The following MS4A3 variants were observed in gnomAD, a reference collection of about 807,000 sequenced individuals.
MS4A3 encodes membrane spanning 4-domains A3.
In MS4A3, 18 loss-of-function variants were observed where a neutral mutation model predicts 24.7. The ratio of observed to expected loss-of-function variants is 0.73; its 90% CI spans 0.50 to 1.08. The LOEUF is 1.08. Ranked by LOEUF, MS4A3 falls within the 50% of genes least tolerant of loss-of-function variation. The probability of loss-of-function intolerance (pLI) is 0.00; values close to 1 mark genes in which losing one functional copy is unlikely to be tolerated. For synonymous variants in MS4A3, 84 were observed against 95.3 expected (o/e 0.88, Z 0.69); for missense variants, 282 against 251.7 (o/e 1.12, Z -0.82).
At chr11:60,056,878 A>G (rs998086798) in intron 1 of MS4A3, 138 bp downstream of exon 1, 1 of 152,206 alleles carries the variant, frequency 6.6e-6, no homozygotes, top group Admixed American at 6.5e-5. Context: ...AACTGTGAAC[A>G]TGGCTTCTCT....
chr11:60,058,323 A>G lies in MS4A3; in HGVS notation c.-16+1583A>G, dbSNP rs531159886. On this transcript the variant is annotated intron_variant, in intron 1 of 6. Coordinates refer to ENST00000278865, the MANE Select transcript of MS4A3 (RefSeq NM_006138.5). ...AGAGTTCGAGACCAGCCTGGCCAAC[A>G]TGGTAAAACCCCATCTCTACTAAAA... is the stretch of plus-strand genomic sequence containing the variant. Among the ~76,000 whole-genome samples the G allele has an allele frequency of 2.4e-3, 362 of 151,650 alleles. 2 individuals carry two copies. The highest frequency in any genetic ancestry group is 8.0e-3 in the African/African-American group (330 of 41,340).
At chr11:60,066,916 G>A (rs747559609) in intron 4 of MS4A3, 35 bp from the exon 5 acceptor site, 8 of 1,506,284 alleles carry the variant, frequency 5.3e-6, no homozygotes, top group Non-Finnish European at 6.3e-6. Context: ...AGTACGTGCT[G>A]CATATATTAA....
At chr11:60,062,388 T>C (rs1220712719) in intron 2 of MS4A3, 80 bp from the exon 3 acceptor site, 1 of 1,546,394 alleles carries the variant, frequency 6.5e-7, no homozygotes, top group African/African-American at 1.4e-5. Flanking sequence ...ATCTCCTTTC[T>C]GAGGAAAATT....
intron 1 of MS4A3, among the ~76,000 whole-genome samples, chr11:60,059,902 C>T (rs1008107284): frequency 1.3e-4 from 20 of 152,198 alleles, no homozygotes; most frequent in African/African-American, 3.9e-4. Context: ...TTAACCCAAT[C>T]GATAGTTATG....
Position 60,067,004 on chromosome 11 carries a change from GA to G in MS4A3, c.406del (p.Thr136LeufsTer6). 6.2e-7 allele frequency: 1 copy of G among 1,612,646 alleles called. No individual in the cohort carries two copies. The highest frequency in any genetic ancestry group is 8.5e-7 in the Non-Finnish European group (1 of 1,179,664). The stretch of plus-strand genomic sequence containing the variant: ...CCAGTGCTACAATTGCACTAGTGGG[GA>G]CTGCTTTTCTCTCACTAAATATAGC... The part of the protein sequence containing the change: ...IASATIALVG[T>X]AFLSLNIAVN... On this transcript the variant is annotated frameshift_variant, in exon 5 of 7. Transcript: ENST00000278865. LOFTEE classifies it high-confidence loss of function.
In MS4A3 at chr11:60,070,951, G is replaced by C. The variant is rs1228782139; in HGVS notation, c.*718G>C. ...AGGCCTTTAGAATCTGACACATCTG[G>C]GTTCAAATTCTGAAACTGTCACTTA... is the stretch of plus-strand genomic sequence containing the variant. On this transcript the variant is annotated 3_prime_UTR_variant, in exon 7 of 7. Transcript: ENST00000278865. The C allele has an allele frequency of 4.6e-5, 7 of 152,142 alleles. No homozygotes were observed. Among genetic ancestry groups the C allele is most frequent in the Admixed American group, 2.6e-4 (4 of 15,278 alleles). The allele number at this position is 152,142 out of a possible 1,614,324, so 9.4% of individuals were successfully genotyped here.
At position 60,070,375 on chromosome 11, in the gene MS4A3, C is replaced by G; in HGVS notation, c.*142C>G. 1.5e-6 allele frequency: 1 copy of G among 657,384 alleles called. No homozygotes were observed. 40.7% of individuals were successfully genotyped at this position (657,384 alleles called of 1,614,324 possible). ...CTATCATGGCACCAATCACAAGAAC[C>G]TTGGACGTTTGACTGACTCTATCCT... On this transcript the variant is annotated 3_prime_UTR_variant, in exon 7 of 7. Transcript: ENST00000278865.
chr11:60,070,129 T>C (rs900509335), intron 6 of MS4A3, 75 bp from the exon 7 acceptor site: 1 of 1,256,230 alleles, frequency 8.0e-7, no homozygotes, highest in Non-Finnish European at 1.2e-6. Context: ...ATGATTATGA[T>C]GATAACAGGA....
chr11:60,066,561 C>T (rs779433341), intron 4 of MS4A3, among the ~76,000 whole-genome samples: 5 of 152,202 alleles, frequency 3.3e-5, no homozygotes, highest in Admixed American at 6.5e-5. Flanking sequence ...AGGATATTCC[C>T]CCAGATATCC....
chr11:60,067,175 A>T, intron 5 of MS4A3, 63 bp downstream of exon 5: 1 of 1,335,338 alleles, frequency 7.5e-7, no homozygotes, highest in Non-Finnish European at 1.0e-6. Context: ...TGTACAGAAA[A>T]ATAATATATC....
At chr11:60,061,848 A>G (rs1855281462) in intron 2 of MS4A3, among the ~76,000 whole-genome samples, 1 of 152,200 alleles carries the variant, frequency 6.6e-6, no homozygotes, top group African/African-American at 2.4e-5. Flanking sequence ...GTTATTTATC[A>G]CTGACTTAAT....
In MS4A3 at chr11:60,061,281, C is replaced by A. The variant is rs757130766; in HGVS notation, c.121C>A (p.Pro41Thr). ...TSVYQPIDGS[P>T]DYQKAKLQVL... ...TGTCTACCAGCCCATAGATGGATCA[C>A]CAGATTATCAGAAAGCAAAATTACA... The change falls in exon 2 of 7, where the codon CCA (proline) becomes ACA (threonine). Residue 41 changes from proline to threonine, a missense_variant. Transcript: ENST00000278865. The A allele has an allele frequency of 3.8e-5, 61 of 1,611,924 alleles. No homozygotes were observed. The highest frequency in any genetic ancestry group is 5.0e-5 in the Non-Finnish European group (59 of 1,179,428).
intron 3 of MS4A3, among the ~76,000 whole-genome samples, chr11:60,063,057 C>T (rs1855303454): frequency 6.6e-6 from 1 of 152,156 alleles, no homozygotes; most frequent in Non-Finnish European, 1.5e-5. Context: ...CTTGGCCTCC[C>T]AAAATGCTGG....
chr11:60,057,653 C>T (rs1855194120), intron 1 of MS4A3, among the ~76,000 whole-genome samples: 1 of 152,194 alleles, frequency 6.6e-6, no homozygotes, highest in Non-Finnish European at 1.5e-5. Flanking sequence ...ATCCTCCCGC[C>T]TCTGCCTCCC....
In MS4A3 at chr11:60,061,263, C is replaced by T. The variant is rs1855269576; in HGVS notation, c.103C>T (p.Gln35Ter). Residue 35 changes from glutamine to a stop codon, truncating the protein, a stop_gained, in exon 2 of 7, where the codon CAG becomes TAG. Coordinates refer to ENST00000278865, the MANE Select transcript of MS4A3 (RefSeq NM_006138.5). LOFTEE classifies it high-confidence loss of function. ...AGAAGAGCTGAATACTTCTGTCTAC[C>T]AGCCCATAGATGGATCACCAGATTA... The part of the protein sequence containing the change: ...GPEELNTSVY[Q>*]PIDGSPDYQK... The T allele has an allele frequency of 6.2e-7, 1 of 1,613,644 alleles. No individual in the cohort carries two copies. Among genetic ancestry groups the T allele is most frequent in the Non-Finnish European group, 8.5e-7 (1 of 1,179,884 alleles).
At chr11:60,062,251 G>C (rs765711238) in intron 2 of MS4A3, among the ~76,000 whole-genome samples, 1 of 152,134 alleles carries the variant, frequency 6.6e-6, no homozygotes, top group African/African-American at 2.4e-5. Context: ...ACAGAAATGT[G>C]GGGGAGAGGT....
intron 1 of MS4A3, among the ~76,000 whole-genome samples, chr11:60,059,435 A>G (rs1421718529): frequency 6.6e-6 from 1 of 152,124 alleles, no homozygotes; most frequent in African/African-American, 2.4e-5. Flanking sequence ...GTACATGTAC[A>G]GGTTCGTTAT....
intron 1 of MS4A3, among the ~76,000 whole-genome samples, chr11:60,058,602 G>A (rs1212151965): frequency 6.8e-6 from 1 of 147,932 alleles, no homozygotes; most frequent in African/African-American, 2.5e-5. Context: ...TTGTCTTTCA[G>A]GAATGGGGGA....
chr11:60,061,236 C>G lies in MS4A3; in HGVS notation c.76C>G (p.Pro26Ala), dbSNP rs771087292. The G allele has an allele frequency of 2.5e-6, 4 of 1,613,604 alleles. No homozygotes were observed. In the Admixed American group the frequency reaches 5.0e-5, roughly 20 times the overall value. ...AHGTPGSEAGPEELNTSVYQP... is the reference protein window; with the variant it reads ...AHGTPGSEAGAEELNTSVYQP... Reference sequence around the variant, plus strand: ...TGGTACCCCAGGCAGTGAGGCGGGACCAGAAGAGCTGAATACTTCTGTCTA... The same window carrying G: ...TGGTACCCCAGGCAGTGAGGCGGGAGCAGAAGAGCTGAATACTTCTGTCTA... The change falls in exon 2 of 7, where the codon CCA (proline) becomes GCA (alanine). Residue 26 changes from proline (P) to alanine (A), a missense_variant. Physicochemically the swap from Pro to Ala is conservative, Grantham distance 27. Coordinates refer to ENST00000278865, the MANE Select transcript of MS4A3 (RefSeq NM_006138.5).
Sources: gnomAD v4.1 joint callset for allele counts (sites outside exome capture counted in the v4.1 genomes callset) on GRCh38, gnomAD v4.1.1 for gene constraint, MANE v1.5 for transcripts, NCBI Gene and HGNC (gene_info 2026-07-23, HGNC 2026-07-21) for gene names.